The following RNGTT variants were observed in gnomAD, a reference collection of about 807,000 sequenced individuals.
RNGTT encodes the protein RNA guanylyltransferase and 5'-phosphatase.
Under a neutral mutation model 79.3 loss-of-function variants are expected in RNGTT, and 33 were observed. The ratio of observed to expected loss-of-function variants is 0.42; its 90% CI spans 0.32 to 0.56. RNGTT has a LOEUF of 0.56. RNGTT is among the 20% of genes least tolerant of loss of function. The pLI is 0.17. For synonymous variants in RNGTT, 222 were observed against 235.9 expected (o/e 0.94, Z 0.54); for missense variants, 497 against 739.1 (o/e 0.67, Z 3.80).
At chr6:88,933,171 A>G (rs893567281) in intron 2 of RNGTT, among the ~76,000 whole-genome samples, 19 of 152,272 alleles carry the variant, frequency 1.2e-4, no homozygotes, top group African/African-American at 4.6e-4. Flanking sequence ...GGTATATGTG[A>G]TATTTTATTA....
intron 14 of RNGTT, chr6:88,677,979 C>A (rs1465253229): frequency 1.3e-5 from 1 of 76,330 alleles, no homozygotes; most frequent in Non-Finnish European, 2.4e-5. Context: ...CTCACATTCA[C>A]TTTTTTTTTT....
chr6:88,676,334 C>T (rs1360995241), intron 14 of RNGTT, among the ~76,000 whole-genome samples: 1 of 151,134 alleles, frequency 6.6e-6, no homozygotes. Flanking sequence ...TATATATCCA[C>T]GTCTTGGAAA....
intron 4 of RNGTT, among the ~76,000 whole-genome samples, chr6:88,921,305 T>C (rs1784156590): frequency 6.6e-6 from 1 of 151,672 alleles, no homozygotes; most frequent in Non-Finnish European, 1.5e-5. Flanking sequence ...GGTGACATAG[T>C]GAGACCTGGT....
intron 14 of RNGTT, among the ~76,000 whole-genome samples, chr6:88,616,362 T>C (rs530530945): frequency 2.6e-5 from 4 of 152,338 alleles, no homozygotes; most frequent in African/African-American, 7.2e-5. Flanking sequence ...ATTTTGGCTA[T>C]ACACCCAGAG....
chr6:88,741,958 T>C (rs1003019505), intron 13 of RNGTT, among the ~76,000 whole-genome samples: 1 of 152,206 alleles, frequency 6.6e-6, no homozygotes, highest in Non-Finnish European at 1.5e-5. Context: ...CATAAGGATC[T>C]AGATCATAAA....
intron 6 of RNGTT, among the ~76,000 whole-genome samples, chr6:88,898,129 TGAGGG>T (rs1783315697): frequency 6.6e-6 from 1 of 152,146 alleles, no homozygotes; most frequent in African/African-American, 2.4e-5. Flanking sequence ...TCTCCAGAAG[TGAGGG>T]TGGTACAGGG....
chr6:88,678,219 G>C, intron 14 of RNGTT, 134 bp downstream of exon 14: 1 of 1,336,862 alleles, frequency 7.5e-7, no homozygotes, highest in Non-Finnish European at 9.7e-7. Context: ...CTGGGCTCAA[G>C]TGATCCACCT....
chr6:88,664,096 G>A (rs867285198), intron 14 of RNGTT, among the ~76,000 whole-genome samples: 1 of 152,078 alleles, frequency 6.6e-6, no homozygotes, highest in Non-Finnish European at 1.5e-5. Flanking sequence ...AAGAGTATGT[G>A]AGGATCCAGC....
intron 13 of RNGTT, among the ~76,000 whole-genome samples, chr6:88,725,296 T>A (rs1776853620): frequency 6.6e-6 from 1 of 152,104 alleles, no homozygotes. Context: ...GCCAGAAACC[T>A]AGCTTAAAGG....
At chr6:88,697,037 G>C (rs568977030) in intron 13 of RNGTT, among the ~76,000 whole-genome samples, 1 of 152,146 alleles carries the variant, frequency 6.6e-6, no homozygotes, top group African/African-American at 2.4e-5. Flanking sequence ...ATCCCAGAAA[G>C]ACTGACTGTT....
At chr6:88,630,323 T>C (rs1003426710) in intron 14 of RNGTT, among the ~76,000 whole-genome samples, 4 of 152,220 alleles carry the variant, frequency 2.6e-5, no homozygotes, top group Non-Finnish European at 4.4e-5. Flanking sequence ...AGCACTGTTT[T>C]AACTGTCTTG....
At chr6:88,754,840 A>T (rs746579212) in intron 13 of RNGTT, among the ~76,000 whole-genome samples, 2 of 152,228 alleles carry the variant, frequency 1.3e-5, no homozygotes, top group African/African-American at 2.4e-5. Context: ...ATTTTGGCCC[A>T]TTCCTTTGTT....
intron 14 of RNGTT, among the ~76,000 whole-genome samples, chr6:88,658,749 G>A (rs942813783): frequency 9.9e-5 from 15 of 152,204 alleles, no homozygotes; most frequent in African/African-American, 3.4e-4. Flanking sequence ...AGAGGAACAT[G>A]GAAAGACTAG....
intron 11 of RNGTT, among the ~76,000 whole-genome samples, chr6:88,817,860 T>C (rs554127060): frequency 1.5e-4 from 22 of 147,722 alleles, no homozygotes; most frequent in African/African-American, 3.8e-4. Flanking sequence ...CCCGGGTTCA[T>C]GCCATTCTCC....
At chr6:88,808,654 A>G (rs567583997) in intron 11 of RNGTT, among the ~76,000 whole-genome samples, 41 of 152,324 alleles carry the variant, frequency 2.7e-4, no homozygotes, top group South Asian at 2.3e-3. Context: ...GTATGTCTGT[A>G]ATGCCAGCAC....
chr6:88,683,222 C>A (rs1166264207), intron 13 of RNGTT, among the ~76,000 whole-genome samples: 1 of 151,940 alleles, frequency 6.6e-6, no homozygotes, highest in Non-Finnish European at 1.5e-5. Flanking sequence ...TGAATTGATT[C>A]TGAATGAGGC....
chr6:88,848,213 C>T (rs939483807), intron 10 of RNGTT, among the ~76,000 whole-genome samples: 1 of 151,922 alleles, frequency 6.6e-6, no homozygotes, highest in African/African-American at 2.4e-5. Context: ...ATAAAACGAA[C>T]TTTGGCAAAC....
At chr6:88,654,042 G>A (rs938198114) in intron 14 of RNGTT, among the ~76,000 whole-genome samples, 1 of 152,144 alleles carries the variant, frequency 6.6e-6, no homozygotes, top group African/African-American at 2.4e-5. Flanking sequence ...TACAACTACT[G>A]TATGACTCGT....
chr6:88,728,796 TAAC>T (rs1247396560), intron 13 of RNGTT, among the ~76,000 whole-genome samples: 11 of 152,184 alleles, frequency 7.2e-5, no homozygotes, highest in African/African-American at 2.4e-4. Flanking sequence ...CTCCTCTGTC[TAAC>T]AACAAGACCA....
Sources: allele counts gnomAD v4.1 joint callset (sites outside exome capture counted in the v4.1 genomes callset), GRCh38; gene constraint gnomAD v4.1.1; transcripts MANE v1.5; gene names NCBI Gene and HGNC (gene_info 2026-07-23, HGNC 2026-07-21).